RPS29: variants seen among roughly 807,000 people sequenced by gnomAD.
RPS29 encodes the protein ribosomal protein S29.
For synonymous variants in RPS29, 37 were observed against 26.9 expected (o/e 1.37, Z -1.16); for missense variants, 60 against 75.7 (o/e 0.79, Z 0.77).
chr14:49,579,556 AAAG>A (rs1881278934), downstream of RPS29, among the ~76,000 whole-genome samples: 1 of 152,178 alleles, frequency 6.6e-6, no homozygotes, highest in African/African-American at 2.4e-5. Context: ...TTTGAAAAAC[AAAG>A]AATAGATCCT....
At chr14:49,598,300 C>T in intron 1 of RPS29, 1 of 607,338 alleles carries the variant, frequency 1.6e-6, no homozygotes, top group Non-Finnish European at 2.9e-6. Flanking sequence ...CGTCCTAGTT[C>T]AATCAATCAA....
upstream of RPS29, among the ~76,000 whole-genome samples, chr14:49,590,747 G>A (rs563833701): frequency 2.0e-5 from 3 of 150,588 alleles, no homozygotes; most frequent in South Asian, 2.1e-4. Flanking sequence ...CTGGAGTGCA[G>A]TAGGGCCATC....
upstream of RPS29, among the ~76,000 whole-genome samples, chr14:49,590,183 T>C (rs1881681429): frequency 6.6e-6 from 1 of 152,124 alleles, no homozygotes. Flanking sequence ...TAAAAGTTTT[T>C]TTAAAAACAC....
At chr14:49,587,975 G>A (rs1051206070), upstream of RPS29, among the ~76,000 whole-genome samples, 1 of 152,134 alleles carries the variant, frequency 6.6e-6, no homozygotes, top group Non-Finnish European at 1.5e-5. Flanking sequence ...GGAATGAAAA[G>A]GTATTTTATT....
intron 2 of RPS29, 49 bp downstream of exon 2, chr14:49,585,901 C>T: frequency 6.8e-7 from 1 of 1,460,738 alleles, no homozygotes; most frequent in Non-Finnish European, 9.6e-7. Flanking sequence ...AAATAACCCC[C>T]ACAACCTTCT....
chr14:49,577,413 C>A, exon 3 of RPS29: 1 of 336,712 alleles, frequency 3.0e-6, no homozygotes, highest in Non-Finnish European at 5.7e-6. Flanking sequence ...CTGCACTGTG[C>A]AGGCTGGCAT....
downstream of RPS29, among the ~76,000 whole-genome samples, chr14:49,581,921 C>T (rs1881346185): frequency 6.8e-6 from 1 of 147,948 alleles, no homozygotes; most frequent in Admixed American, 7.0e-5. Flanking sequence ...ACTCAGAAGG[C>T]TGAAGTGGAA....
At chr14:49,583,014 A>T (rs1014804282), downstream of RPS29, among the ~76,000 whole-genome samples, 2 of 151,966 alleles carry the variant, frequency 1.3e-5, no homozygotes, top group African/African-American at 2.4e-5. Context: ...TCCTTAAAAC[A>T]TTTTTTTCTT....
intron 1 of RPS29, chr14:49,597,646 G>A (rs1566488257): frequency 7.0e-6 from 1 of 142,210 alleles, no homozygotes. Context: ...ACTAAATGGA[G>A]GGAAAGTAAT....
upstream of RPS29, chr14:49,586,551 C>G: frequency 3.4e-6 from 2 of 596,814 alleles, no homozygotes; most frequent in South Asian, 3.8e-5. Flanking sequence ...ACCACAGCTT[C>G]TAGTGCTATT....
In RPS29 at chr14:49,586,045, C is replaced by T. The variant is rs771956463; in HGVS notation, c.67G>A (p.Val23Ile). 1 of 1,612,764 alleles carries T rather than the reference C, an allele frequency of 6.2e-7. No homozygotes were observed. The highest frequency in any genetic ancestry group is 1.1e-5 in the South Asian group (1 of 91,056). Residue 23 changes from valine (V) to isoleucine (I), a missense_variant, in exon 2 of 3, where the codon GTC becomes ATC. Transcript: ENST00000245458. Reference sequence around the variant, plus strand: ...ATCAGACCGTGCCGGTTTGAACAGACACGACTGTAAGAAAAGAGACAGCGG... The same window carrying T: ...ATCAGACCGTGCCGGTTTGAACAGATACGACTGTAAGAAAAGAGACAGCGG... The part of the protein sequence containing the change: ...KFGQGSRSCR[V>I]CSNRHGLIRK...
chr14:49,578,671 G>C (rs1881254484), downstream of RPS29, among the ~76,000 whole-genome samples: 1 of 146,566 alleles, frequency 6.8e-6, no homozygotes. Context: ...AGCGATTCTT[G>C]TGCCTCAGCC....
exon 3 of RPS29, chr14:49,571,682 C>G (rs768898119): frequency 6.6e-5 from 10 of 152,006 alleles, no homozygotes; most frequent in Non-Finnish European, 1.3e-4. Flanking sequence ...CTTTAGATAC[C>G]GAAGCATGGT....
chr14:49,590,836 G>A (rs745815436), upstream of RPS29, among the ~76,000 whole-genome samples: 6 of 151,960 alleles, frequency 3.9e-5, no homozygotes, highest in Admixed American at 6.6e-5. Context: ...GATCACAGGC[G>A]TGTGCCACCA....
downstream of RPS29, among the ~76,000 whole-genome samples, chr14:49,581,916 G>A (rs866705445): frequency 7.3e-5 from 11 of 149,834 alleles, no homozygotes; most frequent in Admixed American, 6.7e-5. Context: ...CAGCTACTCA[G>A]AAGGCTGAAG....
At chr14:49,582,493 CCT>C (rs147520205), downstream of RPS29, among the ~76,000 whole-genome samples, 2 of 152,300 alleles carry the variant, frequency 1.3e-5, no homozygotes, top group East Asian at 3.9e-4. Context: ...AGCACATATA[CCT>C]CTTTTAACCT....
intron 2 of RPS29, 68 bp downstream of exon 2, chr14:49,585,882 T>C: frequency 1.6e-6 from 2 of 1,230,882 alleles, no homozygotes; most frequent in Non-Finnish European, 1.2e-6. Context: ...CGTTTGTCTT[T>C]CGCGGAAAAA....
chr14:49,586,355 C>A lies in RPS29; in HGVS notation c.-9G>T, dbSNP rs111257681. The A allele has an allele frequency of 6.2e-7, 1 of 1,613,698 alleles. No individual in the cohort carries two copies. The highest frequency in any genetic ancestry group is 8.5e-7 in the Non-Finnish European group (1 of 1,179,578). On this transcript the variant is annotated 5_prime_UTR_variant, in exon 1 of 3. Transcript: ENST00000245458. ...AGCTGCTGGTGACCCATCTTGCTCT[C>A]AGCAGTGCAACGAGGTAAAAGGAAG... is the stretch of plus-strand genomic sequence containing the variant.
At chr14:49,583,099 A>G (rs928917867), downstream of RPS29, among the ~76,000 whole-genome samples, 2 of 152,158 alleles carry the variant, frequency 1.3e-5, no homozygotes, top group Non-Finnish European at 2.9e-5. Flanking sequence ...CTGACCTCCC[A>G]AAGTGCTGGG....
Sources: gnomAD v4.1 joint callset for allele counts (sites outside exome capture counted in the v4.1 genomes callset) on GRCh38, gnomAD v4.1.1 for gene constraint, MANE v1.5 for transcripts, NCBI Gene and HGNC (gene_info 2026-07-23, HGNC 2026-07-21) for gene names.